The following PTPRM variants were observed in gnomAD, a reference collection of about 807,000 sequenced individuals.
The protein encoded by PTPRM is receptor-type tyrosine-protein phosphatase mu.
PTPRM carries 47 observed loss-of-function variants against 186.7 expected under a neutral mutation model. That is an observed-to-expected ratio of 0.25 (90% CI 0.20 to 0.32). The LOEUF (loss-of-function observed/expected upper bound fraction) is 0.32, where lower values mean the gene tolerates loss of function less well. Ranked by LOEUF, PTPRM falls within the 10% of genes least tolerant of loss-of-function variation. The pLI, the probability that PTPRM is intolerant of heterozygous loss-of-function variation, is 1.00. For synonymous variants in PTPRM, 668 were observed against 674.9 expected, an observed-to-expected ratio of 0.99 and a Z score of 0.16; for missense variants, 1,494 against 1,865.0, an observed-to-expected ratio of 0.80 and a Z score of 3.66.
intron 14 of PTPRM, among the ~76,000 whole-genome samples, chr18:8,162,059 C>G (rs1349609771): frequency 6.6e-6 from 1 of 151,712 alleles, no homozygotes; most frequent in South Asian, 2.1e-4. Context: ...TGTTAGAATA[C>G]TTTTTCTCAT....
intron 2 of PTPRM, among the ~76,000 whole-genome samples, chr18:7,837,189 A>G (rs1404814239): frequency 6.6e-6 from 1 of 151,950 alleles, no homozygotes; most frequent in Non-Finnish European, 1.5e-5. Flanking sequence ...GGTGTGCTTC[A>G]TTTTTTAAAA....
At chr18:8,300,372 G>A (rs1486286779) in intron 20 of PTPRM, among the ~76,000 whole-genome samples, 2 of 152,064 alleles carry the variant, frequency 1.3e-5, no homozygotes, top group African/African-American at 4.8e-5. Flanking sequence ...TTCCTGACAA[G>A]ATCACGTGTT....
intron 2 of PTPRM, among the ~76,000 whole-genome samples, chr18:7,804,251 G>A (rs78898835): frequency 2.0e-5 from 3 of 152,086 alleles, no homozygotes; most frequent in African/African-American, 4.8e-5. Flanking sequence ...CAACACTGAG[G>A]GGGGTGGGCT....
intron 7 of PTPRM, among the ~76,000 whole-genome samples, chr18:7,957,434 A>G (rs1377260856): frequency 2.0e-5 from 3 of 152,188 alleles, no homozygotes; most frequent in African/African-American, 7.2e-5. Context: ...ACTGTGCCTC[A>G]ATGTATGAAA....
At chr18:7,708,772 T>G (rs2040150761) in intron 1 of PTPRM, among the ~76,000 whole-genome samples, 1 of 152,138 alleles carries the variant, frequency 6.6e-6, no homozygotes, top group Non-Finnish European at 1.5e-5. Flanking sequence ...TGAGCAAATA[T>G]GAATACTGTG....
intron 1 of PTPRM, among the ~76,000 whole-genome samples, chr18:7,627,455 GCCCTTC>G (rs2038088222): frequency 6.6e-6 from 1 of 152,082 alleles, no homozygotes; most frequent in African/African-American, 2.4e-5. Context: ...CAGAGAACTG[GCCCTTC>G]CCAGTGACCA....
chr18:8,128,786 T>C (rs2092434004), intron 13 of PTPRM, among the ~76,000 whole-genome samples: 1 of 152,204 alleles, frequency 6.6e-6, no homozygotes, highest in African/African-American at 2.4e-5. Context: ...TGAAATAGTA[T>C]TATTTTCCAT....
chr18:7,601,184 G>GT (rs1567976475), intron 1 of PTPRM, among the ~76,000 whole-genome samples: 1 of 152,194 alleles, frequency 6.6e-6, no homozygotes, highest in Non-Finnish European at 1.5e-5. Flanking sequence ...CCAAATTACC[G>GT]TTTTTCTAGC....
intron 4 of PTPRM, among the ~76,000 whole-genome samples, chr18:7,919,236 C>T (rs563377266): frequency 3.6e-3 from 543 of 152,162 alleles, no homozygotes; most frequent in African/African-American, 0.012. Flanking sequence ...TATGATGCCT[C>T]CAGCTTTTTT....
At chr18:7,890,952 C>T (rs2049041654) in intron 3 of PTPRM, among the ~76,000 whole-genome samples, 1 of 151,994 alleles carries the variant, frequency 6.6e-6, no homozygotes, top group Non-Finnish European at 1.5e-5. Context: ...CTAATAAAGA[C>T]TGAAATATAT....
chr18:8,380,226 T>G, intron 28 of PTPRM, 70 bp from the exon 29 acceptor site: 11 of 1,522,298 alleles, frequency 7.2e-6, no homozygotes, highest in South Asian at 2.3e-5. Context: ...TCCTTCTGCA[T>G]GAAATAACCT....
intron 14 of PTPRM, among the ~76,000 whole-genome samples, chr18:8,214,245 A>G (rs779115645): frequency 3.3e-5 from 5 of 151,888 alleles, no homozygotes; most frequent in Admixed American, 6.6e-5. Context: ...CCCTAAAGCT[A>G]TTATAAAAAC....
At chr18:8,180,558 T>G (rs1601047181) in intron 14 of PTPRM, among the ~76,000 whole-genome samples, 1 of 152,344 alleles carries the variant, frequency 6.6e-6, no homozygotes, top group East Asian at 1.9e-4. Context: ...CTTGCATTAC[T>G]TCTCCCTGAT....
At chr18:7,925,699 C>G (rs1345689545) in intron 4 of PTPRM, among the ~76,000 whole-genome samples, 1 of 152,168 alleles carries the variant, frequency 6.6e-6, no homozygotes, top group Non-Finnish European at 1.5e-5. Context: ...AAGCACTCTG[C>G]TGTGCCCACC....
intron 19 of PTPRM, among the ~76,000 whole-genome samples, chr18:8,272,494 C>T (rs891645812): frequency 1.3e-5 from 2 of 151,922 alleles, no homozygotes; most frequent in East Asian, 3.9e-4. Context: ...GTAAGTTTGA[C>T]AGTATTTCTA....
In PTPRM at chr18:8,013,067, A is replaced by G. The variant is rs144149906; in HGVS notation, c.1133-56619A>G. ...GGAAGATGGAGGAGGACTTCAGTTA[A>G]GTAAGTCCCCTATCTTGGTATAAAC... is the stretch of plus-strand genomic sequence containing the variant. On this transcript the variant is annotated intron_variant, in intron 7 of 32. Coordinates refer to ENST00000580170, the MANE Select transcript of PTPRM (RefSeq NM_001105244.2). Among the ~76,000 whole-genome samples the G allele has an allele frequency of 5.7e-3, 870 of 152,246 alleles. 8 individuals carry two copies. The highest frequency in any genetic ancestry group is 5.6e-3 in the Non-Finnish European group (378 of 68,008).
intron 1 of PTPRM, among the ~76,000 whole-genome samples, chr18:7,592,890 C>T (rs1941137): frequency 0.39 from 59,416 of 151,888 alleles, 15,683 homozygotes; most frequent in African/African-American, 0.71. Context: ...CCTTCCACAG[C>T]GGGCTGAAGG....
intron 1 of PTPRM, among the ~76,000 whole-genome samples, chr18:7,582,221 G>A (rs1262968204): frequency 6.6e-6 from 1 of 152,056 alleles, no homozygotes; most frequent in Non-Finnish European, 1.5e-5. Context: ...ATGTTCTATG[G>A]GTGCCTCTGC....
At chr18:7,643,239 A>G (rs527876526) in intron 1 of PTPRM, among the ~76,000 whole-genome samples, 6 of 152,318 alleles carry the variant, frequency 3.9e-5, no homozygotes, top group Admixed American at 2.0e-4. Flanking sequence ...GCTTTATAAA[A>G]TAAAACTTTA....
Sources: gnomAD v4.1 joint callset for allele counts (sites outside exome capture counted in the v4.1 genomes callset) on GRCh38, gnomAD v4.1.1 for gene constraint, MANE v1.5 for transcripts, NCBI Gene and HGNC (gene_info 2026-07-23, HGNC 2026-07-21) for gene names.